NIPSNAP3A: variants seen among roughly 807,000 people sequenced by gnomAD.
The protein encoded by NIPSNAP3A is protein NipSnap homolog 3A.
NIPSNAP3A carries 27 observed loss-of-function variants against 32.3 expected under a neutral mutation model. That is an observed-to-expected ratio of 0.84 (90% CI 0.62 to 1.15). The LOEUF (loss-of-function observed/expected upper bound fraction) is 1.15, where lower values mean the gene tolerates loss of function less well. Among genes scored for constraint, NIPSNAP3A ranks in the 50% most tolerant of loss-of-function variants. NIPSNAP3A has a pLI of 0.00. For missense variants in NIPSNAP3A, 278 were observed against 297.2 expected (o/e 0.94, Z 0.48); for synonymous variants, 108 against 107.3 (o/e 1.01, Z -0.04).
rs1368168815 is a variant in NIPSNAP3A at position 104,754,496 on chromosome 9, G to A, written c.431-55G>A. ...AGTGAAAGACTATTCACTGAGAAAC[G>A]TGATTGGATATTGCTTGAATGTTTT... On this transcript the variant is annotated intron_variant, in intron 3 of 5. Coordinates refer to ENST00000374767, the MANE Select transcript of NIPSNAP3A (RefSeq NM_015469.3). 33 of 1,497,516 alleles carry A rather than the reference G, an allele frequency of 2.2e-5. No homozygotes were observed. In the South Asian group the frequency reaches 3.0e-4, roughly 13 times the overall value. 92.8% of individuals were successfully genotyped at this position (1,497,516 alleles called of 1,614,324 possible). A position where few individuals can be genotyped will look rare whatever the true frequency, so the allele number is the denominator to read the frequency against.
intron 4 of NIPSNAP3A, among the ~76,000 whole-genome samples, chr9:104,758,830 C>T (rs1205337086): frequency 4.6e-5 from 7 of 150,760 alleles, no homozygotes; most frequent in Non-Finnish European, 5.9e-5. Flanking sequence ...ATTAGCCGGA[C>T]GTGGTGGTGG....
chr9:104,754,256 GTTT>G (rs1827879519), intron 3 of NIPSNAP3A: 1 of 224,952 alleles, frequency 4.4e-6, no homozygotes, highest in Admixed American at 5.2e-5. Context: ...ATTCTCAACA[GTTT>G]TTTAACAAAT....
rs1007257268 is a variant in NIPSNAP3A, at chr9:104,759,541, TCA to T, written c.*204_*205del. 3.5e-5 allele frequency: 20 copies of T among 566,634 alleles called. No homozygotes were observed. In the African/African-American group the frequency reaches 3.8e-4, roughly 11 times the overall value. The allele number at this position is 566,634 out of a possible 1,614,324, so 35.1% of individuals were successfully genotyped here. On this transcript the variant is annotated 3_prime_UTR_variant, in exon 6 of 6. Transcript: ENST00000374767. ...TTCTGTTTACTTTCTGCATGGTATT[TCA>T]GTGTCTGTCATACATTAAAAATACT... is the stretch of plus-strand genomic sequence containing the variant.
At chr9:104,753,167 T>A in intron 3 of NIPSNAP3A, 103 bp downstream of exon 3, 1 of 931,852 alleles carries the variant, frequency 1.1e-6, no homozygotes, top group Non-Finnish European at 1.7e-6. Context: ...AATTAATTCT[T>A]TGTTTTATAT....
At chr9:104,749,991 T>C (rs1194218338) in intron 1 of NIPSNAP3A, among the ~76,000 whole-genome samples, 4 of 152,260 alleles carry the variant, frequency 2.6e-5, no homozygotes, top group Non-Finnish European at 4.4e-5. Context: ...AGCTTTTTAT[T>C]GCATTAGTTA....
chr9:104,752,943 G>C lies in NIPSNAP3A; in HGVS notation c.309G>C (p.Leu103Phe), dbSNP rs757666790. ...ATCGAACTGAAGTTCGGAAAGCCTT[G>C]GCCAAAGATAAGGAATGGCAAGAAC... ...FAHRTEVRKALAKDKEWQEQF... is the reference protein window; with the variant it reads ...FAHRTEVRKAFAKDKEWQEQF... Residue 103 changes from leucine to phenylalanine, a missense_variant, in exon 3 of 6, where the codon TTG becomes TTC. By Grantham distance (22) the Leu-to-Phe change is conservative. Transcript: ENST00000374767. 6.2e-7 allele frequency: 1 copy of C among 1,613,092 alleles called. No homozygotes were observed. The highest frequency in any genetic ancestry group is 2.2e-5 in the East Asian group (1 of 44,852).
Position 104,749,011 on chromosome 9 carries a change from C to T in NIPSNAP3A, c.60+1159C>T, listed in dbSNP as rs534295911. ...CTCCCCTGCAGTCTTCCTTCTCTGG[C>T]ACCACCTGTCCACATCTCTCTCCCT... On this transcript the variant is annotated intron_variant, in intron 1 of 5. Transcript: ENST00000374767. 5.3e-5 allele frequency among the ~76,000 whole-genome samples: 8 copies of T among 152,290 alleles called. No individual in the cohort carries two copies. The South Asian group carries it at 1.7e-3, about 32-fold the overall frequency.
chr9:104,747,830 C>G lies in NIPSNAP3A; in HGVS notation c.38C>G (p.Ala13Gly), dbSNP rs1203242582. 1.9e-6 allele frequency: 3 copies of G among 1,608,776 alleles called. No homozygotes were observed. The South Asian group carries it at 3.3e-5, about 18-fold the overall frequency. The part of the protein sequence containing the change: ...VLRSALTRAL[A>G]SRTLAPQMCS... ...AGAAGCGCCCTGACTCGGGCGCTGG[C>G]CTCACGGACGCTGGCGCCTCAGGTA... Residue 13 changes from alanine (A) to glycine (G), a missense_variant, in exon 1 of 6, where the codon GCC becomes GGC. Coordinates refer to ENST00000374767, the MANE Select transcript of NIPSNAP3A (RefSeq NM_015469.3).
intron 4 of NIPSNAP3A, among the ~76,000 whole-genome samples, chr9:104,757,068 A>G (rs1027333743): frequency 1.3e-5 from 2 of 152,088 alleles, no homozygotes; most frequent in Non-Finnish European, 2.9e-5. Context: ...GTGGTGGGAT[A>G]AGAGGCCTGA....
chr9:104,759,646 A>G lies in NIPSNAP3A; in HGVS notation c.*308A>G. ...CTGTATTCTGACAACTCTTTGCTTT[A>G]TAGCATTTTGTTGTATTCAAATGAT... is the stretch of plus-strand genomic sequence containing the variant. On this transcript the variant is annotated 3_prime_UTR_variant, in exon 6 of 6. Coordinates refer to ENST00000374767, the MANE Select transcript of NIPSNAP3A (RefSeq NM_015469.3). 3.4e-6 allele frequency: 1 copy of G among 295,494 alleles called. No homozygotes were observed. Among genetic ancestry groups the G allele is most frequent in the Middle Eastern group, 1.1e-3 (1 of 912 alleles). The allele number at this position is 295,494 out of a possible 1,614,324, so 18.3% of individuals were successfully genotyped here. A position where few individuals can be genotyped will look rare whatever the true frequency, so the allele number is the denominator to read the frequency against.
At chr9:104,750,861 A>G (rs1305762357) in intron 1 of NIPSNAP3A, 95 bp from the exon 2 acceptor site, 43 of 949,066 alleles carry the variant, frequency 4.5e-5, no homozygotes, top group South Asian at 6.6e-5. Flanking sequence ...TAATGAGTCT[A>G]TGAGTGTCCC....
Position 104,754,676 on chromosome 9 carries a change from A to C in NIPSNAP3A, c.556A>C (p.Thr186Pro), listed in dbSNP as rs756796269. The change falls in exon 4 of 6, where the codon ACA becomes CCA. Residue 186 changes from threonine (T) to proline (P), a missense_variant. By Grantham distance (38) the Thr-to-Pro change is conservative (BLOSUM62 -1). Coordinates refer to ENST00000374767, the MANE Select transcript of NIPSNAP3A (RefSeq NM_015469.3). ...CACAAAACTAGTTGGAGTGTTCCAC[A>C]CAGAGTACGGAGCACTCAACAGAGG... ...GYTKLVGVFH[T>P]EYGALNRVHV... 4 of 1,614,022 alleles carry C rather than the reference A, an allele frequency of 2.5e-6. No individual in the cohort carries two copies. In the South Asian group the frequency reaches 4.4e-5, roughly 18 times the overall value.
At chr9:104,753,629 C>T (rs1827872499) in intron 3 of NIPSNAP3A, 1 of 152,806 alleles carries the variant, frequency 6.5e-6, no homozygotes, top group African/African-American at 2.4e-5. Context: ...GATTTCACTT[C>T]TTGCTGACTT....
chr9:104,749,693 A>G lies in NIPSNAP3A; in HGVS notation c.61-1263A>G, dbSNP rs1342482934. Among the ~76,000 whole-genome samples the G allele has an allele frequency of 5.3e-5, 8 of 152,302 alleles. No individual in the cohort carries two copies. The South Asian group carries it at 6.2e-4, about 12-fold the overall frequency. On this transcript the variant is annotated intron_variant, in intron 1 of 5. Transcript: ENST00000374767. Reference sequence around the variant, plus strand: ...TGCGTATGTGTGTGTGTATGTGTATACATATATACACATAGATACCTACAT... The same window carrying G: ...TGCGTATGTGTGTGTGTATGTGTATGCATATATACACATAGATACCTACAT...
intron 1 of NIPSNAP3A, among the ~76,000 whole-genome samples, chr9:104,748,919 C>T (rs1011409581): frequency 6.6e-6 from 1 of 152,172 alleles, no homozygotes; most frequent in Non-Finnish European, 1.5e-5. Context: ...GATTTCTGCC[C>T]TAGCAGCTAA....
intron 3 of NIPSNAP3A, 121 bp from the exon 4 acceptor site, chr9:104,754,430 T>G (rs1827881555): frequency 1.3e-6 from 1 of 763,786 alleles, no homozygotes; most frequent in African/African-American, 1.7e-5. Flanking sequence ...GTCTACATAA[T>G]ATGTATGCAT....
chr9:104,755,450 C>A (rs940226208), intron 4 of NIPSNAP3A, among the ~76,000 whole-genome samples: 6 of 151,494 alleles, frequency 4.0e-5, no homozygotes, highest in Admixed American at 1.3e-4. Flanking sequence ...TTATATATAT[C>A]TATATAGGGA....
chr9:104,755,167 G>C (rs1377455841), intron 4 of NIPSNAP3A, among the ~76,000 whole-genome samples: 1 of 151,882 alleles, frequency 6.6e-6, no homozygotes, highest in Non-Finnish European at 1.5e-5. Context: ...CTTGAATCCA[G>C]GAAGCGGAGG....
At position 104,747,719 on chromosome 9, in the gene NIPSNAP3A, T is replaced by C. The variant is rs1827789266; in HGVS notation, c.-74T>C. ...GCCAATGATCCAGGAGCCGCTCCTT[T>C]CCACTCGGGAAACCTTCAGAGGAGT... is the stretch of plus-strand genomic sequence containing the variant. On this transcript the variant is annotated 5_prime_UTR_variant, in exon 1 of 6. Coordinates refer to ENST00000374767, the MANE Select transcript of NIPSNAP3A (RefSeq NM_015469.3). 6.8e-7 allele frequency: 1 copy of C among 1,466,158 alleles called. No individual in the cohort carries two copies. The allele number at this position is 1,466,158 out of a possible 1,614,324, so 90.8% of individuals were successfully genotyped here.
Sources: allele counts gnomAD v4.1 joint callset (sites outside exome capture counted in the v4.1 genomes callset), GRCh38; gene constraint gnomAD v4.1.1; transcripts MANE v1.5; gene names NCBI Gene and HGNC (gene_info 2026-07-23, HGNC 2026-07-21).